The following ATP7B variants were observed in gnomAD, a reference collection of about 807,000 sequenced individuals.
The protein encoded by ATP7B is ATPase copper transporting beta, also known as copper-transporting ATPase 2.
In ATP7B, 113 loss-of-function variants were observed where a neutral mutation model predicts 118.9. The observed-to-expected ratio is 0.95, with a 90% confidence interval of 0.82 to 1.11. The LOEUF (loss-of-function observed/expected upper bound fraction) is 1.11, where lower values mean the gene tolerates loss of function less well. ATP7B is among the 50% of genes most tolerant of loss of function. The probability of loss-of-function intolerance (pLI) is 0.00; values close to 1 mark genes in which losing one functional copy is unlikely to be tolerated. For missense variants in ATP7B, 1,867 were observed against 1,871.4 expected, an observed-to-expected ratio of 1.00 and a Z score of 0.04; for synonymous variants, 777 against 727.4, an observed-to-expected ratio of 1.07 and a Z score of -1.10.
At position 51,950,296 on chromosome 13, in the gene ATP7B, T is replaced by C. The variant is rs758360345; in HGVS notation, c.2551A>G (p.Met851Val). The change falls in exon 10 of 21, where the codon ATG becomes GTG. Residue 851 changes from methionine (M) to valine (V), a missense_variant. Coordinates refer to ENST00000242839, the MANE Select transcript of ATP7B (RefSeq NM_000053.4). ...VDGKVLEGNT[M>V]ADESLITGEA... is the part of the protein sequence containing the mutation. ...CCTGTGATGAGGGACTCATCAGCCA[T>C]GGTATTGCCTTCCAGGACTTTCCCA... The C allele has an allele frequency of 1.2e-5, 19 of 1,614,018 alleles. No homozygotes were observed. The highest frequency in any genetic ancestry group is 3.3e-4 in the Middle Eastern group (2 of 6,084).
Position 51,973,978 on chromosome 13 carries a change from T to G in ATP7B, c.1242A>C (p.Arg414Ser), listed in dbSNP as rs370784013. ...CAAATCCCATGTCTTCTATAGCAGCTCTGAGTTCTTCTGGGCTAATTACAG... is the reference window on the plus strand; with the variant it reads ...CAAATCCCATGTCTTCTATAGCAGCGCTGAGTTCTTCTGGGCTAATTACAG... The part of the protein sequence containing the change: ...NPSVISPEEL[R>S]AAIEDMGFEA... Residue 414 changes from arginine (R) to serine (S), a missense_variant, in exon 2 of 21, where the codon AGA (arginine) becomes AGC (serine). Coordinates refer to ENST00000242839, the MANE Select transcript of ATP7B (RefSeq NM_000053.4). 4.8e-5 allele frequency: 77 copies of G among 1,614,128 alleles called. No homozygotes were observed. Among genetic ancestry groups the G allele is most frequent in the Non-Finnish European group, 5.8e-5 (69 of 1,180,048 alleles).
chr13:51,956,738 T>C (rs1347009197), intron 9 of ATP7B, among the ~76,000 whole-genome samples: 1 of 152,098 alleles, frequency 6.6e-6, no homozygotes, highest in Non-Finnish European at 1.5e-5. Context: ...GAAATAACCA[T>C]TGCCTAGAAT....
intron 2 of ATP7B, among the ~76,000 whole-genome samples, chr13:51,973,462 G>A (rs1951939095): frequency 1.3e-5 from 2 of 152,164 alleles, no homozygotes; most frequent in Non-Finnish European, 2.9e-5. Flanking sequence ...ATCCACTCAT[G>A]GATTAATGGG....
intron 1 of ATP7B, among the ~76,000 whole-genome samples, chr13:51,987,425 A>G (rs999307661): frequency 1.3e-4 from 20 of 152,246 alleles, no homozygotes; most frequent in African/African-American, 4.3e-4. Context: ...ACACAAACAA[A>G]TGGAAAAACA....
At chr13:51,949,369 A>G (rs1194347300) in intron 12 of ATP7B, among the ~76,000 whole-genome samples, 2 of 152,168 alleles carry the variant, frequency 1.3e-5, no homozygotes, top group East Asian at 3.8e-4. Flanking sequence ...CATAACCTCA[A>G]AAAGGACCAA....
chr13:52,010,221 CTCTG>C (rs1184943719), intron 1 of ATP7B, among the ~76,000 whole-genome samples: 3 of 152,212 alleles, frequency 2.0e-5, no homozygotes, highest in Admixed American at 6.5e-5. Flanking sequence ...ACCAGCCTCT[CTCTG>C]TCTGTCCACT....
intron 8 of ATP7B, 60 bp from the exon 9 acceptor site, chr13:51,957,667 C>G (rs987604095): frequency 3.3e-6 from 5 of 1,513,718 alleles, no homozygotes; most frequent in Admixed American, 1.7e-5. Context: ...CCAAACCCAG[C>G]CTGAGAGTCA....
Position 51,950,396 on chromosome 13 carries a change from C to T in ATP7B, c.2451G>A (p.Glu817=). The T allele has an allele frequency of 1.2e-6, 2 of 1,614,018 alleles. No individual in the cohort carries two copies. The highest frequency in any genetic ancestry group is 1.7e-6 in the Non-Finnish European group (2 of 1,180,044). The part of the protein sequence containing the change: ...TLGEDNLIIR[E]EQVPMELVQR... ...GCACCAGCTCCATGGGGACTTGCTC[C>T]TCCCTGCAACAAACGCCACTTATCA... The change falls in exon 10 of 21, where the codon GAG becomes GAA. Residue 817 remains glutamate, a synonymous_variant. Coordinates refer to ENST00000242839, the MANE Select transcript of ATP7B (RefSeq NM_000053.4).
chr13:51,981,385 CCA>C (rs528680778), intron 1 of ATP7B, among the ~76,000 whole-genome samples: 15 of 152,290 alleles, frequency 9.8e-5, no homozygotes, highest in Admixed American at 7.2e-4. Context: ...AGCAAAATAT[CCA>C]CACTCGCTCC....
At chr13:51,948,381 C>T (rs1375058033) in intron 12 of ATP7B, among the ~76,000 whole-genome samples, 1 of 152,152 alleles carries the variant, frequency 6.6e-6, no homozygotes, top group Non-Finnish European at 1.5e-5. Context: ...TCCCAAGTAG[C>T]TGAGTCTACA....
chr13:51,960,462 G>T, intron 6 of ATP7B, 140 bp from the exon 7 acceptor site: 1 of 1,047,528 alleles, frequency 9.5e-7, no homozygotes, highest in South Asian at 1.4e-5. Context: ...TAAAATGAAA[G>T]TAAGAACTCT....
intron 11 of ATP7B, 85 bp from the exon 12 acceptor site, chr13:51,949,881 A>T (rs1298211307): frequency 6.2e-7 from 1 of 1,607,804 alleles, no homozygotes. Flanking sequence ...GATTGGGATA[A>T]TCTCCTTCAT....
At chr13:51,948,660 C>T (rs1957809354) in intron 12 of ATP7B, among the ~76,000 whole-genome samples, 1 of 152,106 alleles carries the variant, frequency 6.6e-6, no homozygotes, top group South Asian at 2.1e-4. Flanking sequence ...CAGTCACAAA[C>T]ACCGAAAATG....
chr13:51,954,316 C>T (rs552765612), intron 9 of ATP7B, among the ~76,000 whole-genome samples: 89 of 152,332 alleles, frequency 5.8e-4, no homozygotes, highest in African/African-American at 2.0e-3. Context: ...GGATGCCGGG[C>T]CTCACTGCCA....
Position 51,937,554 on chromosome 13 carries a change from C to T in ATP7B, c.3825G>A (p.Leu1275=). ...VGDGVNDSPA[L]AQADMGVAIG... ...TGGCCACACCCATGTCTGCCTGGGCCAAGGCCGGGGAGTCATTGACCCCAT... is the reference window on the plus strand; with the variant it reads ...TGGCCACACCCATGTCTGCCTGGGCTAAGGCCGGGGAGTCATTGACCCCAT... The change falls in exon 18 of 21, where the codon TTG becomes TTA. Residue 1275 remains leucine (L), a synonymous_variant. Coordinates refer to ENST00000242839, the MANE Select transcript of ATP7B (RefSeq NM_000053.4). The T allele has an allele frequency of 1.2e-6, 2 of 1,614,272 alleles. No homozygotes were observed. Among genetic ancestry groups the T allele is most frequent in the South Asian group, 2.2e-5 (2 of 91,092 alleles).
At chr13:51,961,705 C>T in intron 6 of ATP7B, 132 bp downstream of exon 6, 2 of 869,342 alleles carry the variant, frequency 2.3e-6, no homozygotes, top group Non-Finnish European at 3.8e-6. Flanking sequence ...AGAGGGTTCA[C>T]ATTACAAGGG....
intron 3 of ATP7B, among the ~76,000 whole-genome samples, chr13:51,969,527 T>A (rs1951738609): frequency 6.6e-6 from 1 of 152,168 alleles, no homozygotes; most frequent in South Asian, 2.1e-4. Flanking sequence ...TTATAGTTTC[T>A]AATGACTTTC....
intron 1 of ATP7B, among the ~76,000 whole-genome samples, chr13:52,010,105 G>C (rs866628994): frequency 6.6e-6 from 1 of 151,928 alleles, no homozygotes; most frequent in Non-Finnish European, 1.5e-5. Flanking sequence ...CTCTAGGTGG[G>C]GACACTGTAG....
At chr13:51,976,537 T>C (rs1302211251) in intron 1 of ATP7B, among the ~76,000 whole-genome samples, 1 of 152,224 alleles carries the variant, frequency 6.6e-6, no homozygotes, top group Admixed American at 6.5e-5. Flanking sequence ...AATACATGAA[T>C]GTTTAATGAT....
Sources: gnomAD v4.1 joint callset for allele counts (sites outside exome capture counted in the v4.1 genomes callset) on GRCh38, gnomAD v4.1.1 for gene constraint, MANE v1.5 for transcripts, NCBI Gene and HGNC (gene_info 2026-07-23, HGNC 2026-07-21) for gene names.